Variants in DPH7 observed in about 807,000 individuals in gnomAD.
DPH7 encodes diphthamide biosynthesis 7.
Under a neutral mutation model 41.7 loss-of-function variants are expected in DPH7, and 44 were observed. The observed-to-expected ratio is 1.05, with a 90% CI of 0.83 to 1.36. The LOEUF is 1.36. Among genes scored for constraint, DPH7 ranks in the 40% most tolerant of loss-of-function variants. DPH7 has a pLI of 0.00. For missense variants in DPH7, 629 were observed against 577.5 expected (o/e 1.09, Z -0.91); for synonymous variants, 275 against 238.0 (o/e 1.16, Z -1.43).
At chr9:137,560,831 G>A (rs1370374552) in intron 8 of DPH7, among the ~76,000 whole-genome samples, 1 of 147,556 alleles carries the variant, frequency 6.8e-6, no homozygotes, top group African/African-American at 2.5e-5. Context: ...ACTCCAGCCT[G>A]GGTGACACAG....
At chr9:137,569,865 ACCATCCAT>A (rs373776373) in intron 5 of DPH7, among the ~76,000 whole-genome samples, 2 of 145,956 alleles carry the variant, frequency 1.4e-5, no homozygotes, top group Non-Finnish European at 3.0e-5. Flanking sequence ...TCATCCACCC[ACCATCCAT>A]CCATCCATCC....
At chr9:137,575,882 G>A in intron 3 of DPH7, 198 bp downstream of exon 3, 1 of 1,398,332 alleles carries the variant, frequency 7.2e-7, no homozygotes, top group Non-Finnish European at 9.3e-7. Context: ...GGTGACACAT[G>A]AGGTGACTTC....
intron 8 of DPH7, among the ~76,000 whole-genome samples, chr9:137,564,025 A>C (rs529962664): frequency 4.4e-4 from 67 of 152,276 alleles, no homozygotes; most frequent in African/African-American, 1.5e-3. Flanking sequence ...AAAGGGATGA[A>C]GGGAATGGAG....
intron 8 of DPH7, among the ~76,000 whole-genome samples, chr9:137,558,004 C>T (rs1837818926): frequency 1.3e-5 from 2 of 152,108 alleles, no homozygotes; most frequent in Non-Finnish European, 1.5e-5. Flanking sequence ...GGCGTGGTGG[C>T]ACACACCTGT....
intron 8 of DPH7, among the ~76,000 whole-genome samples, chr9:137,562,775 T>C (rs190214946): frequency 9.9e-5 from 15 of 152,082 alleles, no homozygotes; most frequent in African/African-American, 3.6e-4. Context: ...AAGACCAGCC[T>C]GGCCAACGTG....
intron 3 of DPH7, 127 bp from the exon 4 acceptor site, chr9:137,574,970 C>A: frequency 6.7e-7 from 1 of 1,484,138 alleles, no homozygotes; most frequent in South Asian, 1.4e-5. Flanking sequence ...GTACATCAGT[C>A]ACTGAGTCAC....
intron 3 of DPH7, chr9:137,575,422 TC>T (rs1841206866): frequency 4.0e-6 from 4 of 988,614 alleles, no homozygotes; most frequent in South Asian, 9.3e-5. Flanking sequence ...CATGCACTCC[TC>T]CCTTGGGCCC....
rs200480555 is a variant in DPH7 at position 137,565,077 on chromosome 9, G to A, written c.710+8C>T. On this transcript the variant is annotated splice_region_variant and intron_variant, in intron 6 of 8. Transcript: ENST00000277540. ...GTGGGCACCGAGTGCTGGCCCTTGGGCAGTTACCTTTTGCTGGTGAAGAGA... is the reference window on the plus strand; with the variant it reads ...GTGGGCACCGAGTGCTGGCCCTTGGACAGTTACCTTTTGCTGGTGAAGAGA... 3.0e-5 allele frequency: 49 copies of A among 1,613,922 alleles called. No individual in the cohort carries two copies. Among genetic ancestry groups the A allele is most frequent in the Admixed American group, 8.3e-5 (5 of 60,006 alleles).
Position 137,555,065 on chromosome 9 carries a change from A to G in DPH7, c.*174T>C. On this transcript the variant is annotated 3_prime_UTR_variant, in exon 9 of 9. Transcript: ENST00000277540. The stretch of plus-strand genomic sequence containing the variant: ...TCACCCAGTCCACTTTCAGGGGCCC[A>G]GCAGGGAAGCTGATTTAAGAGAAGT... The G allele has an allele frequency of 1.3e-6, 1 of 749,298 alleles. No individual in the cohort carries two copies. The allele number at this position is 749,298 out of a possible 1,614,324, so 46.4% of individuals were successfully genotyped here.
chr9:137,577,455 TTA>T lies in DPH7; in HGVS notation c.287+13_287+14del. On this transcript the variant is annotated intron_variant, in intron 2 of 8. Coordinates refer to ENST00000277540, the MANE Select transcript of DPH7 (RefSeq NM_138778.5). ...ATGACAAATTCTACACCCAGTGGGA[TTA>T]TCACAGTTATACCATTTCATGTCCA... 2 of 1,612,132 alleles carry T rather than the reference TTA, an allele frequency of 1.2e-6. No individual in the cohort carries two copies. The highest frequency in any genetic ancestry group is 1.7e-6 in the Non-Finnish European group (2 of 1,178,690).
intron 5 of DPH7, among the ~76,000 whole-genome samples, chr9:137,569,016 AG>A (rs528984535): frequency 1.3e-5 from 2 of 152,206 alleles, no homozygotes; most frequent in South Asian, 4.1e-4. Context: ...GCACTTGTTT[AG>A]GGGAACGAAA....
chr9:137,575,614 G>C lies in DPH7; in HGVS notation c.375+466C>G, dbSNP rs775925446. On this transcript the variant is annotated intron_variant, in intron 3 of 8. Coordinates refer to ENST00000277540, the MANE Select transcript of DPH7 (RefSeq NM_138778.5). Reference sequence around the variant, plus strand: ...CATCACCCCACTACGGGACATCCCCGTTCTCCTCCCCGACAGCTATCAGAT... The same window carrying C: ...CATCACCCCACTACGGGACATCCCCCTTCTCCTCCCCGACAGCTATCAGAT... 1.6e-4 allele frequency: 160 copies of C among 1,010,446 alleles called. 1 individual carries two copies. The highest frequency in any genetic ancestry group is 1.8e-4 in the Non-Finnish European group (149 of 843,154). The allele number at this position is 1,010,446 out of a possible 1,614,324, so 62.6% of individuals were successfully genotyped here.
intron 8 of DPH7, among the ~76,000 whole-genome samples, chr9:137,561,733 C>T (rs1176871371): frequency 6.6e-6 from 1 of 152,018 alleles, no homozygotes; most frequent in Non-Finnish European, 1.5e-5. Context: ...ATAAAAGGGT[C>T]AGCACATCTG....
intron 5 of DPH7, among the ~76,000 whole-genome samples, chr9:137,571,324 C>G (rs1406763744): frequency 6.6e-6 from 1 of 151,870 alleles, no homozygotes; most frequent in Non-Finnish European, 1.5e-5. Context: ...GTAGTTGGGA[C>G]TACAGGCGCC....
chr9:137,568,626 T>A (rs1024574583), intron 5 of DPH7, among the ~76,000 whole-genome samples: 1 of 151,572 alleles, frequency 6.6e-6, no homozygotes, highest in Admixed American at 6.6e-5. Flanking sequence ...GCTGGAGGAG[T>A]CTTAGGTTGC....
chr9:137,568,807 C>T (rs994291599), intron 5 of DPH7, among the ~76,000 whole-genome samples: 1 of 152,116 alleles, frequency 6.6e-6, no homozygotes, highest in African/African-American at 2.4e-5. Flanking sequence ...CAGGTGCAGG[C>T]GACCATTGTT....
intron 5 of DPH7, 37 bp from the exon 6 acceptor site, chr9:137,565,191 A>ACAGGAAATGAGTGTTCT (rs766107962): frequency 1.2e-6 from 2 of 1,607,312 alleles, no homozygotes; most frequent in South Asian, 2.2e-5. Context: ...ACCACTAATG[A>ACAGGAAATGAGTGTTCT]CAGGAAATGA....
At chr9:137,578,589 C>T in intron 1 of DPH7, 36 bp downstream of exon 1, 2 of 1,436,110 alleles carry the variant, frequency 1.4e-6, no homozygotes, top group South Asian at 1.4e-5. Flanking sequence ...TCGTGGCCGG[C>T]CCCGCCCTCC....
At chr9:137,561,353 A>G (rs1225317121) in intron 8 of DPH7, among the ~76,000 whole-genome samples, 3 of 152,080 alleles carry the variant, frequency 2.0e-5, no homozygotes, top group East Asian at 1.9e-4. Context: ...GACCCCGGCC[A>G]ACATGGTGAA....
Sources: allele counts gnomAD v4.1 joint callset (sites outside exome capture counted in the v4.1 genomes callset), GRCh38; gene constraint gnomAD v4.1.1; transcripts MANE v1.5; gene names NCBI Gene and HGNC (gene_info 2026-07-23, HGNC 2026-07-21).